Variants in KTN1 observed in about 807,000 individuals in gnomAD.
The protein encoded by KTN1 is kinectin 1.
Under a neutral mutation model 222.5 loss-of-function variants are expected in KTN1, and 130 were observed. The ratio of observed to expected loss-of-function variants is 0.58; its 90% CI spans 0.51 to 0.68. The LOEUF (loss-of-function observed/expected upper bound fraction) is 0.68, where lower values mean the gene tolerates loss of function less well. Among genes scored for constraint, KTN1 ranks in the 30% least tolerant of loss-of-function variants. KTN1 has a pLI of 0.00. For synonymous variants in KTN1, 512 were observed against 496.3 expected, an observed-to-expected ratio of 1.03 and a Z score of -0.42; for missense variants, 1,508 against 1,500.4, an observed-to-expected ratio of 1.01 and a Z score of -0.08.
chr14:55,681,924 C>A (rs1242598401), intron 43 of KTN1: 1 of 152,060 alleles, frequency 6.6e-6, no homozygotes, highest in Non-Finnish European at 1.5e-5. Context: ...TATATTCTCC[C>A]TCCTGTATAC....
At chr14:55,599,342 G>A (rs988766052) in intron 1 of KTN1, among the ~76,000 whole-genome samples, 1 of 152,116 alleles carries the variant, frequency 6.6e-6, no homozygotes, top group African/African-American at 2.4e-5. Flanking sequence ...CCTCTGGCAG[G>A]AGTATATCTG....
intron 5 of KTN1, among the ~76,000 whole-genome samples, chr14:55,626,194 T>G (rs561740098): frequency 1.3e-4 from 19 of 151,566 alleles, no homozygotes; most frequent in Admixed American, 1.2e-3. Flanking sequence ...TTCGTTGTCT[T>G]TTCATATCTT....
At chr14:55,604,533 C>T (rs1345993811) in intron 1 of KTN1, among the ~76,000 whole-genome samples, 2 of 152,040 alleles carry the variant, frequency 1.3e-5, no homozygotes, top group African/African-American at 4.8e-5. Context: ...CCTGTGCTCC[C>T]TATTTCTCTT....
intron 1 of KTN1, among the ~76,000 whole-genome samples, chr14:55,582,888 C>A (rs909339591): frequency 1.4e-4 from 22 of 152,164 alleles, no homozygotes; most frequent in African/African-American, 5.1e-4. Context: ...GAAGGTAAAT[C>A]CAGAGTATAC....
intron 43 of KTN1, chr14:55,681,846 C>T (rs1274575035): frequency 6.6e-6 from 1 of 152,110 alleles, no homozygotes. Flanking sequence ...TCCCGTAGCT[C>T]TTCTTTATAC....
intron 19 of KTN1, among the ~76,000 whole-genome samples, chr14:55,647,552 G>A (rs1194900920): frequency 7.0e-6 from 1 of 142,992 alleles, no homozygotes; most frequent in Admixed American, 7.3e-5. Context: ...AGAATCACTT[G>A]AACCTGGGAG....
rs114508877 is a variant in KTN1 at position 55,672,556 on chromosome 14, T to C, written c.3532-74T>C. The C allele has an allele frequency of 3.0e-3, 2,644 of 873,590 alleles. 34 individuals carry two copies. The highest frequency in any genetic ancestry group is 0.018 in the South Asian group (1,154 of 64,622). The allele number at this position is 873,590 out of a possible 1,614,324, so 54.1% of individuals were successfully genotyped here. On this transcript the variant is annotated intron_variant, in intron 37 of 43. Coordinates refer to ENST00000395314, the MANE Select transcript of KTN1 (RefSeq NM_001079521.2). ...AACCTTGGAAGTGTCTTTTAATTGA[T>C]CAGAATTCTACAGGATAGAAACTGC...
At chr14:55,603,442 T>C (rs1401574856) in intron 1 of KTN1, among the ~76,000 whole-genome samples, 1 of 152,212 alleles carries the variant, frequency 6.6e-6, no homozygotes, top group Non-Finnish European at 1.5e-5. Context: ...TTTCATTGTA[T>C]TTTACTTACC....
In KTN1 at chr14:55,639,963, G is replaced by A. The variant is rs775884609; in HGVS notation, c.1874G>A (p.Ser625Asn). Residue 625 changes from serine (S) to asparagine (N), a missense_variant, in exon 14 of 44, where the codon AGT becomes AAT. By Grantham distance (46) the Ser-to-Asn change is conservative. Transcript: ENST00000395314. ...AAACAGACTGAAGATTCTTTAGCAA[G>A]TGAACGTGATCGTTTAACAAGTAAA... Reference protein sequence around the residue: ...QIKQTEDSLASERDRLTSKEE... With the variant: ...QIKQTEDSLANERDRLTSKEE... 1 of 1,608,848 alleles carries A rather than the reference G, an allele frequency of 6.2e-7. No individual in the cohort carries two copies. The highest frequency in any genetic ancestry group is 8.5e-7 in the Non-Finnish European group (1 of 1,175,890).
intron 25 of KTN1, 45 bp downstream of exon 25, chr14:55,651,972 G>A: frequency 8.4e-7 from 1 of 1,184,154 alleles, no homozygotes; most frequent in South Asian, 1.4e-5. Context: ...TCTTTTTCAT[G>A]AGTTAAATAG....
At chr14:55,683,218 C>T (rs534026172) in intron 43 of KTN1, 1 of 152,268 alleles carries the variant, frequency 6.6e-6, no homozygotes, top group East Asian at 1.9e-4. Flanking sequence ...TTCCGATCAA[C>T]TGTTAATAGC....
chr14:55,619,708 G>T (rs912350219), intron 5 of KTN1, among the ~76,000 whole-genome samples: 1 of 152,040 alleles, frequency 6.6e-6, no homozygotes, highest in African/African-American at 2.4e-5. Flanking sequence ...TAATATGGGG[G>T]AAATTGCCCC....
intron 5 of KTN1, among the ~76,000 whole-genome samples, chr14:55,621,589 A>C (rs1297269023): frequency 6.6e-6 from 1 of 152,122 alleles, no homozygotes; most frequent in African/African-American, 2.4e-5. Flanking sequence ...AAACCCTCAG[A>C]TCTTGTGAGA....
chr14:55,646,514 C>CCTTTCCTTTCCTTTCCTTTT (rs2042364080), intron 18 of KTN1, among the ~76,000 whole-genome samples: 1 of 120,336 alleles, frequency 8.3e-6, no homozygotes, highest in African/African-American at 3.2e-5. Flanking sequence ...CCTTTCCTTT[C>CCTTTCCTTTCCTTTCCTTTT]CTTTCCTTTC....
At chr14:55,679,544 T>A in intron 42 of KTN1, 21 bp from the exon 43 acceptor site, 1 of 1,590,298 alleles carries the variant, frequency 6.3e-7, no homozygotes, top group Non-Finnish European at 8.6e-7. Context: ...GAGTTTATCA[T>A]CACTTCCATC....
At chr14:55,630,459 A>G (rs2040385848) in intron 7 of KTN1, among the ~76,000 whole-genome samples, 2 of 152,226 alleles carry the variant, frequency 1.3e-5, no homozygotes, top group South Asian at 2.1e-4. Flanking sequence ...CACTGAGGAT[A>G]AGAGTTACTT....
chr14:55,647,952 AT>A, intron 19 of KTN1, 72 bp from the exon 20 acceptor site: 4 of 446,814 alleles, frequency 9.0e-6, no homozygotes, highest in Non-Finnish European at 1.0e-5. Context: ...TCAAAAAAAA[AT>A]AATAATTATA....
intron 15 of KTN1, among the ~76,000 whole-genome samples, chr14:55,640,686 CTT>C (rs984783602): frequency 1.3e-5 from 2 of 151,932 alleles, no homozygotes; most frequent in South Asian, 2.1e-4. Flanking sequence ...TTGTTTGAGT[CTT>C]TTATTTGAGC....
At position 55,649,825 on chromosome 14, in the gene KTN1, C is replaced by G; in HGVS notation, c.2405+12C>G. ...GAACTTAAGAAAGTGTAAGTGATAA[C>G]ATTATTATAAACTGGTTTTTCTTCT... On this transcript the variant is annotated intron_variant, in intron 22 of 43. Coordinates refer to ENST00000395314, the MANE Select transcript of KTN1 (RefSeq NM_001079521.2). 1 of 1,451,076 alleles carries G rather than the reference C, an allele frequency of 6.9e-7. No homozygotes were observed. Among genetic ancestry groups the G allele is most frequent in the Non-Finnish European group, 9.5e-7 (1 of 1,056,110 alleles). 89.9% of individuals were successfully genotyped at this position (1,451,076 alleles called of 1,614,324 possible).
Sources: gnomAD v4.1 joint callset for allele counts (sites outside exome capture counted in the v4.1 genomes callset) on GRCh38, gnomAD v4.1.1 for gene constraint, MANE v1.5 for transcripts, NCBI Gene and HGNC (gene_info 2026-07-23, HGNC 2026-07-21) for gene names.